The following MAP7 variants were observed in gnomAD, a reference collection of about 807,000 sequenced individuals.
MAP7 encodes the protein ensconsin.
In MAP7, 52 loss-of-function variants were observed where a neutral mutation model predicts 94.8. The ratio of observed to expected loss-of-function variants is 0.55; its 90% CI spans 0.44 to 0.69. The LOEUF is 0.69. Among genes scored for constraint, MAP7 ranks in the 30% least tolerant of loss-of-function variants. The pLI is 0.00. For missense variants in MAP7, 940 were observed against 964.6 expected (o/e 0.97, Z 0.34); for synonymous variants, 350 against 357.0 (o/e 0.98, Z 0.22).
At position 136,361,064 on chromosome 6, in the gene MAP7, G is replaced by A. The variant is rs537189843; in HGVS notation, c.1642C>T (p.Arg548Trp). ...CGCAGCGCCCGCTCCTCCGCCTGCCGCTGCAGCTGCTCCTCCTTCTCCCGG... is the reference window on the plus strand; with the variant it reads ...CGCAGCGCCCGCTCCTCCGCCTGCCACTGCAGCTGCTCCTCCTTCTCCCGG... ...QAREKEEQLQ[R>W]QAEERALRER... is the part of the protein sequence containing the mutation. The change falls in exon 12 of 18, where the codon CGG becomes TGG. Residue 548 changes from arginine to tryptophan, a missense_variant. Physicochemically the swap from Arg to Trp is moderately radical, Grantham distance 101. Coordinates refer to ENST00000354570, the MANE Select transcript of MAP7 (RefSeq NM_003980.6). 1.4e-5 allele frequency: 22 copies of A among 1,598,944 alleles called. No homozygotes were observed. The highest frequency in any genetic ancestry group is 1.8e-5 in the Non-Finnish European group (21 of 1,177,758).
At chr6:136,521,887 T>A (rs1826499363) in intron 1 of MAP7, among the ~76,000 whole-genome samples, 1 of 152,200 alleles carries the variant, frequency 6.6e-6, no homozygotes, top group South Asian at 2.1e-4. Context: ...TTTCTGCCAC[T>A]CTCATCCTCT....
At chr6:136,403,612 CACTCT>C (rs973055722) in intron 3 of MAP7, among the ~76,000 whole-genome samples, 1 of 152,186 alleles carries the variant, frequency 6.6e-6, no homozygotes, top group Non-Finnish European at 1.5e-5. Flanking sequence ...CTTCCAATGC[CACTCT>C]TAGCCTCTAC....
chr6:136,537,796 T>C (rs181183569), intron 1 of MAP7, among the ~76,000 whole-genome samples: 3 of 152,216 alleles, frequency 2.0e-5, no homozygotes, highest in Admixed American at 2.0e-4. Flanking sequence ...GAATTTTTTT[T>C]TTTTTTTTGA....
intron 1 of MAP7, among the ~76,000 whole-genome samples, chr6:136,430,550 A>G (rs1206026666): frequency 1.3e-5 from 2 of 152,248 alleles, no homozygotes; most frequent in African/African-American, 4.8e-5. Context: ...TCAAAAATTA[A>G]TCATCTCTCC....
chr6:136,400,816 G>A (rs891985327), intron 3 of MAP7, among the ~76,000 whole-genome samples: 2 of 152,138 alleles, frequency 1.3e-5, no homozygotes, highest in Non-Finnish European at 2.9e-5. Context: ...ACTTCTGCAT[G>A]CTTCTAATTT....
chr6:136,381,510 CAGA>C (rs752928688), intron 6 of MAP7, among the ~76,000 whole-genome samples: 6 of 152,080 alleles, frequency 3.9e-5, no homozygotes, highest in Non-Finnish European at 8.8e-5. Context: ...AATTTAAATT[CAGA>C]AGAAGTTTTA....
chr6:136,485,080 A>G (rs1212629781), intron 1 of MAP7, among the ~76,000 whole-genome samples: 1 of 152,210 alleles, frequency 6.6e-6, no homozygotes, highest in African/African-American at 2.4e-5. Context: ...CTCAGGATTT[A>G]CCAAGAGTGT....
At position 136,389,565 on chromosome 6, in the gene MAP7, G is replaced by C. The variant is rs778473482; in HGVS notation, c.245-48C>G. ...AAAAAAAGAGGGAAATCAAATATAG[G>C]CAGGTTGCAAACTTGAATAGTTAGG... On this transcript the variant is annotated intron_variant, in intron 3 of 17. Transcript: ENST00000354570. 3 of 1,575,856 alleles carry C rather than the reference G, an allele frequency of 1.9e-6. No individual in the cohort carries two copies. In the South Asian group the frequency reaches 3.3e-5, roughly 18 times the overall value.
At chr6:136,410,264 A>T (rs3799415) in intron 3 of MAP7, among the ~76,000 whole-genome samples, 134,513 of 152,238 alleles carry the variant, frequency 0.88, 59,686 homozygotes, top group African/African-American at 0.96. Context: ...CCTGATGGGG[A>T]AGAGGGGGAA....
chr6:136,537,864 C>T (rs1169729478), intron 1 of MAP7, among the ~76,000 whole-genome samples: 2 of 151,872 alleles, frequency 1.3e-5, no homozygotes, highest in Non-Finnish European at 2.9e-5. Flanking sequence ...CTCGGCTCAC[C>T]GCACCTTCCT....
intron 8 of MAP7, among the ~76,000 whole-genome samples, chr6:136,368,217 T>C (rs1794818478): frequency 1.3e-5 from 2 of 152,096 alleles, no homozygotes; most frequent in Admixed American, 6.5e-5. Flanking sequence ...TTCTTTCTTT[T>C]TTAAACCTTT....
chr6:136,434,103 C>T (rs1237144317), intron 1 of MAP7, among the ~76,000 whole-genome samples: 5 of 151,950 alleles, frequency 3.3e-5, no homozygotes, highest in Admixed American at 1.3e-4. Flanking sequence ...CTCAGGAGTT[C>T]GAGACCAGCC....
intron 1 of MAP7, among the ~76,000 whole-genome samples, chr6:136,516,509 G>A (rs1824891451): frequency 6.6e-6 from 1 of 152,196 alleles, no homozygotes; most frequent in South Asian, 2.1e-4. Flanking sequence ...CAGGGAGAGT[G>A]AAGTGGAGAG....
chr6:136,501,098 A>G (rs1819706367), intron 1 of MAP7, among the ~76,000 whole-genome samples: 1 of 152,256 alleles, frequency 6.6e-6, no homozygotes, highest in African/African-American at 2.4e-5. Context: ...AAAATAAAGA[A>G]TAATATTATT....
chr6:136,375,766 A>G (rs535526589), intron 7 of MAP7, among the ~76,000 whole-genome samples: 2 of 152,358 alleles, frequency 1.3e-5, no homozygotes, highest in African/African-American at 2.4e-5. Flanking sequence ...ACTCTTTCAC[A>G]CTAAAATAAA....
intron 6 of MAP7, 31 bp downstream of exon 6, chr6:136,383,640 A>G: frequency 8.3e-7 from 1 of 1,206,932 alleles, no homozygotes; most frequent in Non-Finnish European, 1.2e-6. Flanking sequence ...AGTAAATAAC[A>G]GACACTTTTT....
In MAP7 at chr6:136,540,286, G is replaced by A; in HGVS notation, c.67+10056C>T. On this transcript the variant is annotated intron_variant, in intron 1 of 17. Transcript: ENST00000354570. ...TCCAGTCTCCAGAGCCAGGGACCTG[G>A]TGATCAGAGGTCAGGGGTCACTAGA... Among the ~76,000 whole-genome samples the A allele has an allele frequency of 1.3e-5, 2 of 152,142 alleles. 1 individual carries two copies. The highest frequency in any genetic ancestry group is 3.9e-4 in the East Asian group (2 of 5,158).
chr6:136,520,542 G>A (rs1000864169), intron 1 of MAP7, among the ~76,000 whole-genome samples: 9 of 152,200 alleles, frequency 5.9e-5, no homozygotes, highest in African/African-American at 1.9e-4. Flanking sequence ...GTGTCAAGAA[G>A]GACATGGGTG....
At chr6:136,395,408 A>ATTT (rs34425736) in intron 3 of MAP7, among the ~76,000 whole-genome samples, 2 of 87,692 alleles carry the variant, frequency 2.3e-5, no homozygotes, top group African/African-American at 4.3e-5. Flanking sequence ...TTTAATTTGG[A>ATTT]TTTTTTTTTT....
Sources: allele counts gnomAD v4.1 joint callset (sites outside exome capture counted in the v4.1 genomes callset), GRCh38; gene constraint gnomAD v4.1.1; transcripts MANE v1.5; gene names NCBI Gene and HGNC (gene_info 2026-07-23, HGNC 2026-07-21).